SEC31A: variants seen among roughly 807,000 people sequenced by gnomAD.
The protein encoded by SEC31A is protein transport protein Sec31A.
A neutral mutation model predicts 151.0 loss-of-function variants in SEC31A; 70 were observed. The observed-to-expected ratio is 0.46, with a 90% CI of 0.38 to 0.57. SEC31A has a LOEUF of 0.57. Ranked by LOEUF, SEC31A falls within the 20% of genes least tolerant of loss-of-function variation. The pLI is 0.00. For missense variants in SEC31A, 1,330 were observed against 1,471.2 expected (o/e 0.90, Z 1.57); for synonymous variants, 475 against 505.9 (o/e 0.94, Z 0.82).
rs547243933 is a variant in SEC31A, at chr4:82,891,119, G to T, written c.-36C>A. Reference sequence around the variant, plus strand: ...AGGACCTTCGGCAGCCGGATCCTGCGTTAGTGCAGCGCTCGTCGGACTCTC... The same window carrying T: ...AGGACCTTCGGCAGCCGGATCCTGCTTTAGTGCAGCGCTCGTCGGACTCTC... On this transcript the variant is annotated 5_prime_UTR_variant, in exon 1 of 27. Coordinates refer to ENST00000395310, the MANE Select transcript of SEC31A (RefSeq NM_001077207.4). 5.1e-4 allele frequency: 786 copies of T among 1,535,974 alleles called. 4 individuals carry two copies. The African/African-American group carries it at 9.6e-3, about 19-fold the overall frequency.
In SEC31A at chr4:82,878,725, T is replaced by A. The variant is rs368526992; in HGVS notation, c.402+5A>T. 1.9e-6 allele frequency: 3 copies of A among 1,611,230 alleles called. No homozygotes were observed. The African/African-American group carries it at 4.0e-5, about 22-fold the overall frequency. ...CTAAGAATTATGAAATGTTAAAGTC[T>A]TAACCTGGAAAATGTTCACATCCAA... On this transcript the variant is annotated splice_donor_5th_base_variant and intron_variant, in intron 4 of 26. Coordinates refer to ENST00000395310, the MANE Select transcript of SEC31A (RefSeq NM_001077207.4).
chr4:82,866,969 G>T lies in SEC31A; in HGVS notation c.1045-9C>A, dbSNP rs1264015394. 16 of 1,604,492 alleles carry T rather than the reference G, an allele frequency of 1.0e-5. No individual in the cohort carries two copies. In the East Asian group the frequency reaches 3.6e-4, roughly 36 times the overall value. ...CCAAAAGATGATGAAAGCTAAAAAAGATAATAATAACATAAGCATCCGACC... is the reference window on the plus strand; with the variant it reads ...CCAAAAGATGATGAAAGCTAAAAAATATAATAATAACATAAGCATCCGACC... On this transcript the variant is annotated splice_polypyrimidine_tract_variant and intron_variant, in intron 9 of 26. Transcript: ENST00000395310.
chr4:82,858,771 C>T (rs1329489643), intron 14 of SEC31A, among the ~76,000 whole-genome samples: 2 of 151,302 alleles, frequency 1.3e-5, no homozygotes, highest in East Asian at 2.0e-4. Flanking sequence ...GGCGCACTCT[C>T]GGCTCACTGC....
chr4:82,857,140 G>A lies in SEC31A; in HGVS notation c.1703-10C>T, dbSNP rs374307945. 26 of 1,606,422 alleles carry A rather than the reference G, an allele frequency of 1.6e-5. No homozygotes were observed. Among genetic ancestry groups the A allele is most frequent in the Non-Finnish European group, 1.1e-5 (13 of 1,177,980 alleles). ...ATTAAACCATCAATGTCTGCAACAAGAAAATAATACATCCAAGTTAAATAG... is the reference window on the plus strand; with the variant it reads ...ATTAAACCATCAATGTCTGCAACAAAAAAATAATACATCCAAGTTAAATAG... On this transcript the variant is annotated splice_polypyrimidine_tract_variant and intron_variant, in intron 15 of 26. Transcript: ENST00000395310.
At chr4:82,887,107 G>A (rs1377299580) in intron 1 of SEC31A, among the ~76,000 whole-genome samples, 1 of 152,088 alleles carries the variant, frequency 6.6e-6, no homozygotes, top group Non-Finnish European at 1.5e-5. Context: ...TAAAAAAGGA[G>A]AAAGTATGGT....
intron 1 of SEC31A, 61 bp from the exon 2 acceptor site, chr4:82,882,001 C>T: frequency 5.6e-6 from 7 of 1,259,338 alleles, no homozygotes; most frequent in Non-Finnish European, 8.2e-6. Context: ...ACACAGAACA[C>T]AGATATTTTA....
intron 16 of SEC31A, 111 bp downstream of exon 16, chr4:82,856,841 G>C (rs2149418977): frequency 2.3e-6 from 2 of 885,554 alleles, no homozygotes; most frequent in South Asian, 2.1e-5. Flanking sequence ...TTATGAATGA[G>C]CTTTTAAAAT....
At chr4:82,849,458 C>A (rs922831073) in intron 19 of SEC31A, among the ~76,000 whole-genome samples, 21 of 151,658 alleles carry the variant, frequency 1.4e-4, no homozygotes, top group Admixed American at 1.3e-3. Context: ...ACTCAAAATA[C>A]AAAAAATTAG....
intron 3 of SEC31A, among the ~76,000 whole-genome samples, chr4:82,898,562 A>G (rs928899027): frequency 6.6e-6 from 1 of 152,250 alleles, no homozygotes; most frequent in Non-Finnish European, 1.5e-5. Flanking sequence ...AGGAAAGGCA[A>G]ATAGTTGCAA....
chr4:82,841,440 T>A (rs1232090990), intron 22 of SEC31A, among the ~76,000 whole-genome samples: 9 of 18,370 alleles, frequency 4.9e-4, no homozygotes, highest in African/African-American at 8.1e-4. Flanking sequence ...AAAAAAAAAA[T>A]TTTATATATA....
chr4:82,857,167 G>A, intron 15 of SEC31A, 37 bp from the exon 16 acceptor site: 1 of 1,581,818 alleles, frequency 6.3e-7, no homozygotes, highest in Non-Finnish European at 8.6e-7. Flanking sequence ...GTTAAATAGA[G>A]TTTTTGTTAC....
In SEC31A at chr4:82,890,789, A is replaced by G. The variant is rs1163301702; in HGVS notation, c.-5+299T>C. 2.4e-6 allele frequency: 3 copies of G among 1,274,518 alleles called. No individual in the cohort carries two copies. The Admixed American group carries it at 1.2e-4, about 51-fold the overall frequency. The allele number at this position is 1,274,518 out of a possible 1,614,324, so 79.0% of individuals were successfully genotyped here. On this transcript the variant is annotated intron_variant, in intron 1 of 26. Coordinates refer to ENST00000395310, the MANE Select transcript of SEC31A (RefSeq NM_001077207.4). ...AGGGTCTGAAAGTCTCCTAATCTCAAACTCCAGTTACCAGCCCGGCTACTA... is the reference window on the plus strand; with the variant it reads ...AGGGTCTGAAAGTCTCCTAATCTCAGACTCCAGTTACCAGCCCGGCTACTA...
intron 10 of SEC31A, among the ~76,000 whole-genome samples, chr4:82,865,691 A>G (rs975862727): frequency 5.3e-5 from 8 of 152,054 alleles, no homozygotes; most frequent in African/African-American, 1.9e-4. Context: ...CCACAAAAAG[A>G]CAAGTACTGC....
intron 14 of SEC31A, among the ~76,000 whole-genome samples, chr4:82,858,786 T>G (rs1578263100): frequency 1.3e-5 from 2 of 151,742 alleles, no homozygotes; most frequent in East Asian, 3.9e-4. Context: ...CACTGCAAAC[T>G]CTGCCTCCTG....
intron 14 of SEC31A, among the ~76,000 whole-genome samples, chr4:82,859,352 T>G (rs1733535103): frequency 6.6e-6 from 1 of 152,184 alleles, no homozygotes; most frequent in Non-Finnish European, 1.5e-5. Flanking sequence ...AGAAATATAA[T>G]GGGGGCATTT....
rs1731448509 is a variant in SEC31A at position 82,851,530 on chromosome 4, T to A, written c.2229A>T (p.Gly743=). The change falls in exon 19 of 27, where the codon GGA becomes GGT. Residue 743 remains glycine, a synonymous_variant. Coordinates refer to ENST00000395310, the MANE Select transcript of SEC31A (RefSeq NM_001077207.4). ...GACTCATCTTCGCAGCCAAGAGAAC[T>A]CCTACAGTACTAGTGTCCATGGCTT... ...LTQAMDTSTV[G]VLLAAKMSQY... 1.2e-6 allele frequency: 2 copies of A among 1,613,960 alleles called. No individual in the cohort carries two copies. The highest frequency in any genetic ancestry group is 2.7e-5 in the African/African-American group (2 of 74,932).
intron 22 of SEC31A, among the ~76,000 whole-genome samples, chr4:82,841,640 T>TA (rs1218784248): frequency 2.8e-5 from 4 of 144,958 alleles, no homozygotes; most frequent in African/African-American, 5.1e-5. Flanking sequence ...GACTGGGTCT[T>TA]AAAAAAAACA....
chr4:82,888,204 G>A (rs1295283550), intron 1 of SEC31A, among the ~76,000 whole-genome samples: 2 of 148,540 alleles, frequency 1.3e-5, no homozygotes, highest in Non-Finnish European at 1.5e-5. Flanking sequence ...GCGAAACCCC[G>A]TCTCCACTAA....
At chr4:82,857,928 C>A in intron 14 of SEC31A, 164 bp from the exon 15 acceptor site, 1 of 505,016 alleles carries the variant, frequency 2.0e-6, no homozygotes, top group Non-Finnish European at 3.6e-6. Flanking sequence ...CTATGCCTTC[C>A]CTAAATATTA....
Sources: allele counts gnomAD v4.1 joint callset (sites outside exome capture counted in the v4.1 genomes callset), GRCh38; gene constraint gnomAD v4.1.1; transcripts MANE v1.5; gene names NCBI Gene and HGNC (gene_info 2026-07-23, HGNC 2026-07-21).